Variants in RPS6KC1 observed in about 807,000 individuals in gnomAD.
RPS6KC1 encodes the protein inactive ribosomal protein S6 kinase delta-1.
RPS6KC1 carries 54 observed loss-of-function variants against 103.8 expected under a neutral mutation model. That is an observed-to-expected ratio of 0.52 (90% CI 0.42 to 0.65). RPS6KC1 has a LOEUF of 0.65. Ranked by LOEUF, RPS6KC1 falls within the 30% of genes least tolerant of loss-of-function variation. The probability of loss-of-function intolerance (pLI) is 0.00; values close to 1 mark genes in which losing one functional copy is unlikely to be tolerated. For missense variants in RPS6KC1, 1,151 were observed against 1,253.8 expected (o/e 0.92, Z 1.24); for synonymous variants, 439 against 438.7 (o/e 1.00, Z -0.01).
chr1:213,436,209 A>G, the RPS6KC1 span, among the ~76,000 whole-genome samples: 2 of 152,360 alleles, frequency 1.3e-5, no homozygotes, highest in East Asian at 3.9e-4. Flanking sequence ...TGTAAGTGAA[A>G]TAAGGTAAAG....
chr1:213,239,871 G>A (rs766133073), intron 10 of RPS6KC1, among the ~76,000 whole-genome samples: 1 of 152,016 alleles, frequency 6.6e-6, no homozygotes, highest in Non-Finnish European at 1.5e-5. Context: ...ATTGTTTAAC[G>A]TAAAAGTTAT....
intron 8 of RPS6KC1, among the ~76,000 whole-genome samples, chr1:213,180,266 C>G (rs992497424): frequency 1.3e-5 from 2 of 152,024 alleles, no homozygotes; most frequent in African/African-American, 4.8e-5. Context: ...TTAATTGTGT[C>G]AGAACAACAA....
the RPS6KC1 span, among the ~76,000 whole-genome samples, chr1:213,599,843 C>G: frequency 6.6e-6 from 1 of 152,166 alleles, no homozygotes; most frequent in East Asian, 1.9e-4. Flanking sequence ...TCTGGGAAGC[C>G]CTGACCTGGC....
the RPS6KC1 span, among the ~76,000 whole-genome samples, chr1:213,859,999 C>T: frequency 4.6e-5 from 7 of 151,254 alleles, no homozygotes; most frequent in African/African-American, 1.7e-4. Context: ...TAATTATAGT[C>T]TAAGTTTTTT....
chr1:213,143,741 A>G (rs1175566169), intron 6 of RPS6KC1, among the ~76,000 whole-genome samples: 1 of 151,740 alleles, frequency 6.6e-6, no homozygotes, highest in African/African-American at 2.4e-5. Context: ...TGATTTTCAA[A>G]ACAAATTTTT....
the RPS6KC1 span, among the ~76,000 whole-genome samples, chr1:213,515,753 T>C: frequency 6.6e-6 from 1 of 152,120 alleles, no homozygotes; most frequent in Non-Finnish European, 1.5e-5. Context: ...GTAGTTTTTT[T>C]CAATTCTGTG....
the RPS6KC1 span, among the ~76,000 whole-genome samples, chr1:213,507,258 G>T: frequency 6.6e-6 from 1 of 152,068 alleles, no homozygotes; most frequent in Non-Finnish European, 1.5e-5. Context: ...CTACCAACCC[G>T]CAGGGCCAAC....
At chr1:213,617,011 T>C in the RPS6KC1 span, among the ~76,000 whole-genome samples, 1 of 152,202 alleles carries the variant, frequency 6.6e-6, no homozygotes, top group African/African-American at 2.4e-5. Context: ...CACAGCACAA[T>C]AACTCATGTG....
At chr1:213,102,727 A>G (rs12074645) in intron 3 of RPS6KC1, among the ~76,000 whole-genome samples, 13 of 152,210 alleles carry the variant, frequency 8.5e-5, no homozygotes, top group Admixed American at 7.2e-4. Context: ...ATTGACTGCT[A>G]CTTGCCTGCT....
chr1:213,542,881 T>C, the RPS6KC1 span, among the ~76,000 whole-genome samples: 1 of 152,166 alleles, frequency 6.6e-6, no homozygotes. Context: ...AAGATATAGC[T>C]TGGGTCTCCC....
the RPS6KC1 span, among the ~76,000 whole-genome samples, chr1:213,786,245 T>C: frequency 4.6e-5 from 7 of 152,280 alleles, no homozygotes; most frequent in East Asian, 1.4e-3. Context: ...AAAGATTTGT[T>C]CTTAGACTTT....
At chr1:213,585,430 C>T in the RPS6KC1 span, among the ~76,000 whole-genome samples, 1 of 152,134 alleles carries the variant, frequency 6.6e-6, no homozygotes, top group South Asian at 2.1e-4. Flanking sequence ...AAGTGTTCCA[C>T]CCCCATATCC....
chr1:213,303,408 C>A, the RPS6KC1 span, among the ~76,000 whole-genome samples: 1 of 152,112 alleles, frequency 6.6e-6, no homozygotes, highest in African/African-American at 2.4e-5. Flanking sequence ...AACTTGACAC[C>A]ATCTGAGACT....
chr1:213,797,985 G>A, the RPS6KC1 span, among the ~76,000 whole-genome samples: 4 of 152,156 alleles, frequency 2.6e-5, no homozygotes, highest in Non-Finnish European at 5.9e-5. Flanking sequence ...CCAATCTAAT[G>A]AATAAATAAA....
At chr1:213,511,418 G>A in the RPS6KC1 span, among the ~76,000 whole-genome samples, 1 of 152,186 alleles carries the variant, frequency 6.6e-6, no homozygotes, top group Non-Finnish European at 1.5e-5. Flanking sequence ...TTTGCACGTG[G>A]TGTTGATGGT....
chr1:213,198,655 CTGAG>C (rs1553374908), intron 8 of RPS6KC1, among the ~76,000 whole-genome samples: 1 of 152,138 alleles, frequency 6.6e-6, no homozygotes, highest in Non-Finnish European at 1.5e-5. Flanking sequence ...GAATAGACTA[CTGAG>C]TAAGTATGTA....
the RPS6KC1 span, among the ~76,000 whole-genome samples, chr1:213,336,834 C>T: frequency 6.6e-6 from 1 of 152,136 alleles, no homozygotes; most frequent in Non-Finnish European, 1.5e-5. Context: ...GTTTTTCATA[C>T]ACCTATTTAG....
the RPS6KC1 span, among the ~76,000 whole-genome samples, chr1:213,641,145 T>C: frequency 2.9e-5 from 4 of 139,162 alleles, no homozygotes; most frequent in Admixed American, 2.2e-4. Context: ...ATATAACCAC[T>C]GATTCTTACT....
At chr1:213,390,706 C>T in the RPS6KC1 span, among the ~76,000 whole-genome samples, 25 of 152,236 alleles carry the variant, frequency 1.6e-4, no homozygotes, top group Admixed American at 8.5e-4. Context: ...GAAATTTTCT[C>T]GACACAAACA....
Sources: gnomAD v4.1 joint callset for allele counts (sites outside exome capture counted in the v4.1 genomes callset) on GRCh38, gnomAD v4.1.1 for gene constraint, MANE v1.5 for transcripts, NCBI Gene and HGNC (gene_info 2026-07-23, HGNC 2026-07-21) for gene names.